Variants in LINC00237 observed in about 807,000 individuals in gnomAD.
The protein encoded by LINC00237 is long intergenic non-protein coding RNA 237.
chr20:21,098,648 G>A (rs1187088570), intron 1 of LINC00237, among the ~76,000 whole-genome samples: 2 of 152,198 alleles, frequency 1.3e-5, no homozygotes, highest in Non-Finnish European at 2.9e-5. Flanking sequence ...GAACTTCTAG[G>A]TAGTTTTCAG....
intron 3 of LINC00237, among the ~76,000 whole-genome samples, chr20:21,087,436 C>T (rs573498084): frequency 1.3e-5 from 2 of 152,114 alleles, no homozygotes; most frequent in East Asian, 3.9e-4. Context: ...AGACAGGTCT[C>T]TATAAATTTG....
At chr20:21,102,365 C>T (rs982441378) in intron 1 of LINC00237, among the ~76,000 whole-genome samples, 1 of 152,200 alleles carries the variant, frequency 6.6e-6, no homozygotes, top group Non-Finnish European at 1.5e-5. Context: ...TTCCCTCTAG[C>T]CGCATACCCA....
At chr20:21,105,278 C>A (rs2030984375) in intron 1 of LINC00237, among the ~76,000 whole-genome samples, 1 of 151,976 alleles carries the variant, frequency 6.6e-6, no homozygotes. Context: ...AACAACCCCC[C>A]CGTCCCCCGC....
chr20:21,092,697 T>C (rs1263980009), intron 2 of LINC00237: 2 of 152,192 alleles, frequency 1.3e-5, no homozygotes, highest in Non-Finnish European at 2.9e-5. Flanking sequence ...CTTTAGGAGT[T>C]GCAGGCTTCT....
exon 2 of LINC00237, chr20:21,093,478 C>G (rs1280718945): frequency 6.6e-6 from 1 of 152,238 alleles, no homozygotes; most frequent in Non-Finnish European, 1.5e-5. Flanking sequence ...CCTCCTGCGG[C>G]CATCGTAGCC....
chr20:21,089,849 A>G lies in LINC00237; in HGVS notation n.473-1819T>C, dbSNP rs888427814. On this transcript the variant is annotated intron_variant and non_coding_transcript_variant, in intron 2 of 3. Transcript: ENST00000691244. ...GCGTCTAGATTTGGGCTTCTCCTGC[A>G]ACATTAAACATGAGGATTCACTGTC... 4.6e-5 allele frequency: 7 copies of G among 152,352 alleles called. No homozygotes were observed. The East Asian group carries it at 1.2e-3, about 25-fold the overall frequency. The allele number at this position is 152,352 out of a possible 1,614,324, so 9.4% of individuals were successfully genotyped here.
At chr20:21,087,482 AAAG>A (rs1288312964) in intron 3 of LINC00237, 2 of 152,168 alleles carry the variant, frequency 1.3e-5, no homozygotes, top group African/African-American at 2.4e-5. Context: ...GAGGAAGGAC[AAAG>A]AAGAAGGACT....
At chr20:21,091,641 G>A (rs1239794357) in intron 2 of LINC00237, among the ~76,000 whole-genome samples, 1 of 152,128 alleles carries the variant, frequency 6.6e-6, no homozygotes, top group Non-Finnish European at 1.5e-5. Context: ...CCAAACATTA[G>A]GACCGTCTCA....
intron 2 of LINC00237, among the ~76,000 whole-genome samples, chr20:21,091,046 C>CGTGTGTGTGTGTGCGT (rs2030785500): frequency 6.7e-6 from 1 of 150,152 alleles, no homozygotes; most frequent in Non-Finnish European, 1.5e-5. Flanking sequence ...TGTAAATGTG[C>CGTGTGTGTGTGTGCGT]GTGTGTGTGT....
At chr20:21,103,259 C>G (rs2030956928) in intron 1 of LINC00237, among the ~76,000 whole-genome samples, 1 of 152,202 alleles carries the variant, frequency 6.6e-6, no homozygotes, top group Non-Finnish European at 1.5e-5. Context: ...TGGCTCTAAG[C>G]GCTTCCTTGG....
chr20:21,100,507 A>C (rs116046350), intron 1 of LINC00237, among the ~76,000 whole-genome samples: 8 of 152,256 alleles, frequency 5.3e-5, no homozygotes, highest in Admixed American at 3.9e-4. Context: ...CGCTGCCTAC[A>C]AGGGAGGCTC....
At chr20:21,089,090 G>A (rs1341952831) in intron 2 of LINC00237, among the ~76,000 whole-genome samples, 4 of 151,526 alleles carry the variant, frequency 2.6e-5, no homozygotes, top group Admixed American at 6.6e-5. Flanking sequence ...AGGTGTGCCC[G>A]TGTATGTGTG....
At chr20:21,087,743 A>T (rs1193277213) in intron 3 of LINC00237, 2 of 152,224 alleles carry the variant, frequency 1.3e-5, no homozygotes, top group Non-Finnish European at 2.9e-5. Flanking sequence ...TTATGTGCCC[A>T]GAACTATAAT....
exon 2 of LINC00237, chr20:21,093,677 G>A (rs551164303): frequency 6.6e-6 from 1 of 152,348 alleles, no homozygotes; most frequent in Non-Finnish European, 1.5e-5. Context: ...CCATGAGAAT[G>A]TTAGATACTT....
At chr20:21,103,048 T>C (rs1174170986) in intron 1 of LINC00237, among the ~76,000 whole-genome samples, 1 of 152,238 alleles carries the variant, frequency 6.6e-6, no homozygotes, top group Middle Eastern at 3.4e-3. Context: ...GGAGGGCGCA[T>C]TGGTGTGCAG....
At chr20:21,091,968 A>G (rs941080219) in intron 2 of LINC00237, among the ~76,000 whole-genome samples, 1 of 151,906 alleles carries the variant, frequency 6.6e-6, no homozygotes, top group African/African-American at 2.4e-5. Context: ...TTGAGAGAGG[A>G]GTTTTGTAAA....
At chr20:21,089,590 G>A (rs1332097902) in intron 2 of LINC00237, 1 of 152,200 alleles carries the variant, frequency 6.6e-6, no homozygotes, top group East Asian at 1.9e-4. Flanking sequence ...TGGGCTGGAG[G>A]GATGTCTAGT....
At chr20:21,091,522 C>T (rs1227938309) in intron 2 of LINC00237, among the ~76,000 whole-genome samples, 2 of 152,220 alleles carry the variant, frequency 1.3e-5, no homozygotes, top group African/African-American at 4.8e-5. Flanking sequence ...GCAAATGTGA[C>T]TTCCATTTCC....
intron 3 of LINC00237, chr20:21,087,747 C>T (rs6137252): frequency 6.6e-6 from 1 of 152,110 alleles, no homozygotes; most frequent in Non-Finnish European, 1.5e-5. Context: ...GTGCCCAGAA[C>T]TATAATGGGC....
Sources: allele counts gnomAD v4.1 joint callset (sites outside exome capture counted in the v4.1 genomes callset), GRCh38; gene constraint gnomAD v4.1.1; transcripts MANE v1.5; gene names NCBI Gene and HGNC (gene_info 2026-07-23, HGNC 2026-07-21).